TOR1AIP2: variants seen among roughly 807,000 people sequenced by gnomAD.
TOR1AIP2 encodes the protein torsin-1A-interacting protein 2.
TOR1AIP2 carries 20 observed loss-of-function variants against 32.6 expected under a neutral mutation model. The observed-to-expected ratio is 0.61, with a 90% confidence interval of 0.43 to 0.89. The LOEUF is 0.89. Among genes scored for constraint, TOR1AIP2 ranks in the 40% least tolerant of loss-of-function variants. The pLI is 0.00. For synonymous variants in TOR1AIP2, 214 were observed against 210.8 expected (o/e 1.02, Z -0.13); for missense variants, 456 against 553.8 (o/e 0.82, Z 1.77).
intron 3 of TOR1AIP2, chr1:179,861,522 A>G (rs1211940909): frequency 1.9e-5 from 19 of 984,672 alleles, no homozygotes; most frequent in East Asian, 1.1e-4. Context: ...TTTTTGATTC[A>G]TTTTTCTTGC....
intron 3 of TOR1AIP2, among the ~76,000 whole-genome samples, chr1:179,858,849 G>A (rs1696406167): frequency 6.6e-6 from 1 of 152,138 alleles, no homozygotes; most frequent in African/African-American, 2.4e-5. Flanking sequence ...GGGAAGGGAT[G>A]GTGACCTGGG....
At chr1:179,859,985 T>A in intron 3 of TOR1AIP2, 1 of 559,334 alleles carries the variant, frequency 1.8e-6, no homozygotes, top group South Asian at 7.8e-5. Context: ...TACAGGCACA[T>A]ACCACCACAT....
chr1:179,875,190 A>C (rs2148461685), intron 2 of TOR1AIP2: 1 of 152,338 alleles, frequency 6.6e-6, no homozygotes, highest in South Asian at 2.1e-4. Context: ...TTTAGTAGGG[A>C]CAGGGTTTCA....
rs1182005189 is a variant in TOR1AIP2, at chr1:179,877,252, T to A, written c.-579A>T. 1 of 152,118 alleles carries A rather than the reference T, an allele frequency of 6.6e-6. No individual in the cohort carries two copies. The highest frequency in any genetic ancestry group is 1.5e-5 in the Non-Finnish European group (1 of 68,042). The allele number at this position is 152,118 out of a possible 1,614,324, so 9.4% of individuals were successfully genotyped here. Reference sequence around the variant, plus strand: ...CCCCCAACCTACCTCGTTTACTGTTTGAGTGAGGCCAGGCGTGGTGGCTCA... The same window carrying A: ...CCCCCAACCTACCTCGTTTACTGTTAGAGTGAGGCCAGGCGTGGTGGCTCA... On this transcript the variant is annotated 5_prime_UTR_variant, in exon 2 of 7. Transcript: ENST00000609928.
chr1:179,848,614 G>A (rs922572485), intron 5 of TOR1AIP2, among the ~76,000 whole-genome samples: 3 of 152,164 alleles, frequency 2.0e-5, no homozygotes, highest in African/African-American at 7.2e-5. Context: ...ATCTAAATTT[G>A]TGCTTAACCC....
intron 2 of TOR1AIP2, among the ~76,000 whole-genome samples, chr1:179,867,135 T>C (rs997940733): frequency 6.6e-6 from 1 of 152,236 alleles, no homozygotes; most frequent in African/African-American, 2.4e-5. Context: ...ATAGCTGTGA[T>C]TCTCAGATTT....
At position 179,842,727 on chromosome 1, in the gene TOR1AIP2, A is replaced by C. The variant is rs1340823770; in HGVS notation, c.*3344T>G. The C allele has an allele frequency of 6.6e-6, 1 of 152,248 alleles. No individual in the cohort carries two copies. Among genetic ancestry groups the C allele is most frequent in the Non-Finnish European group, 1.5e-5 (1 of 68,048 alleles). The allele number at this position is 152,248 out of a possible 1,614,324, so 9.4% of individuals were successfully genotyped here. A position where few individuals can be genotyped will look rare whatever the true frequency, so the allele number is the denominator to read the frequency against. On this transcript the variant is annotated 3_prime_UTR_variant, in exon 7 of 7. Transcript: ENST00000609928. The stretch of plus-strand genomic sequence containing the variant: ...CAATAAAAGACGAATTACTAGACAC[A>C]CAAAAGAAAATCTGAAACCTTAAAA...
intron 5 of TOR1AIP2, among the ~76,000 whole-genome samples, chr1:179,849,380 T>C (rs1410101544): frequency 3.4e-5 from 5 of 148,708 alleles, no homozygotes; most frequent in Admixed American, 1.3e-4. Context: ...CTGAGGACTA[T>C]AGGTGCATGC....
At chr1:179,860,355 G>T in intron 3 of TOR1AIP2, 1 of 737,838 alleles carries the variant, frequency 1.4e-6, no homozygotes, top group Non-Finnish European at 1.7e-6. Flanking sequence ...GGTGGTGCAA[G>T]CCTGTAGTCA....
chr1:179,852,776 C>T lies in TOR1AIP2; in HGVS notation c.-111G>A, dbSNP rs1162169386. 9 of 1,573,084 alleles carry T rather than the reference C, an allele frequency of 5.7e-6. No homozygotes were observed. The highest frequency in any genetic ancestry group is 7.8e-6 in the Non-Finnish European group (9 of 1,158,358). On this transcript the variant is annotated 5_prime_UTR_variant, in exon 4 of 7. Transcript: ENST00000609928. ...CCCAAGTCCCAACAGACTCATGCTT[C>T]CCATGGACCCAGGAAATAAGGCATA...
rs1394583180 is a variant in TOR1AIP2, at chr1:179,851,292, T to C, written c.106A>G (p.Asn36Asp). The change falls in exon 5 of 7, where the codon AAT becomes GAT. Residue 36 changes from asparagine to aspartate, a missense_variant. Asn to Asp is a conservative substitution (Grantham distance 23). Coordinates refer to ENST00000609928, the MANE Select transcript of TOR1AIP2 (RefSeq NM_001199260.2). ...QAQETTIIASNAEEAEILHSA... is the reference protein window; with the variant it reads ...QAQETTIIASDAEEAEILHSA... ...TGTAGGATCTCAGCTTCTTCAGCAT[T>C]ACTTGCTATGATTGTGGTCTCCTGC... 6.2e-7 allele frequency: 1 copy of C among 1,608,494 alleles called. No individual in the cohort carries two copies.
intron 3 of TOR1AIP2, chr1:179,862,570 CACA>C (rs759936414): frequency 3.7e-4 from 362 of 985,456 alleles, no homozygotes; most frequent in Non-Finnish European, 4.2e-4. Context: ...CTTCAGGTTT[CACA>C]ACATGTAGCA....
intron 3 of TOR1AIP2, among the ~76,000 whole-genome samples, chr1:179,855,132 A>G (rs1696251739): frequency 6.6e-6 from 1 of 152,214 alleles, no homozygotes; most frequent in Non-Finnish European, 1.5e-5. Flanking sequence ...AAATGTAAAC[A>G]GCAAAACTTT....
chr1:179,871,093 G>A (rs1216638815), intron 2 of TOR1AIP2, among the ~76,000 whole-genome samples: 1 of 152,120 alleles, frequency 6.6e-6, no homozygotes, highest in Non-Finnish European at 1.5e-5. Flanking sequence ...TCCCCTGTAG[G>A]CTAAGGGCTC....
In TOR1AIP2 at chr1:179,843,510, C is replaced by CAAAAAAA. The variant is rs1171986747; in HGVS notation, c.*2554_*2560dup. ...TGGGTGACAGAGCAAGACCTTCTCT[C>CAAAAAAA]AAAAAAAAAAAAAAAAAAAAAAGAA... On this transcript the variant is annotated 3_prime_UTR_variant, in exon 7 of 7. Coordinates refer to ENST00000609928, the MANE Select transcript of TOR1AIP2 (RefSeq NM_001199260.2). The CAAAAAAA allele has an allele frequency of 8.3e-5, 6 of 71,882 alleles. No individual in the cohort carries two copies. Among genetic ancestry groups the CAAAAAAA allele is most frequent in the African/African-American group, 3.1e-4 (6 of 19,662 alleles). 4.5% of individuals were successfully genotyped at this position (71,882 alleles called of 1,614,324 possible). A position where few individuals can be genotyped will look rare whatever the true frequency, so the allele number is the denominator to read the frequency against.
intron 3 of TOR1AIP2, 123 bp from the exon 4 acceptor site, chr1:179,852,934 T>A: frequency 1.6e-6 from 1 of 612,062 alleles, no homozygotes; most frequent in Non-Finnish European, 2.2e-6. Context: ...ACTTTTTTCG[T>A]GAAGAAAATT....
intron 4 of TOR1AIP2, among the ~76,000 whole-genome samples, chr1:179,852,317 G>A (rs1696148213): frequency 6.6e-6 from 1 of 150,998 alleles, no homozygotes; most frequent in South Asian, 2.1e-4. Context: ...TCTAAATATA[G>A]CACATCACAG....
At chr1:179,873,053 G>A (rs767785854) in intron 2 of TOR1AIP2, among the ~76,000 whole-genome samples, 3 of 152,148 alleles carry the variant, frequency 2.0e-5, no homozygotes, top group South Asian at 4.1e-4. Flanking sequence ...CAGATTTCAC[G>A]ATTTCTTTTA....
At chr1:179,857,217 C>T (rs1015238026) in intron 3 of TOR1AIP2, among the ~76,000 whole-genome samples, 1 of 152,216 alleles carries the variant, frequency 6.6e-6, no homozygotes, top group Non-Finnish European at 1.5e-5. Context: ...GTGCTCTATA[C>T]GTGGCGGTTA....
Sources: allele counts gnomAD v4.1 joint callset (sites outside exome capture counted in the v4.1 genomes callset), GRCh38; gene constraint gnomAD v4.1.1; transcripts MANE v1.5; gene names NCBI Gene and HGNC (gene_info 2026-07-23, HGNC 2026-07-21).